The following NUP153 variants were observed in gnomAD, a reference collection of about 807,000 sequenced individuals.
NUP153 encodes the protein nucleoporin 153, also known as nuclear pore complex protein Nup153.
In NUP153, 27 loss-of-function variants were observed where a neutral mutation model predicts 134.6. The observed-to-expected ratio is 0.20, with a 90% confidence interval of 0.15 to 0.28. NUP153 has a LOEUF of 0.28. NUP153 is among the 10% of genes least tolerant of loss of function. The pLI is 1.00. For missense variants in NUP153, 1,821 were observed against 1,731.3 expected (o/e 1.05, Z -0.92); for synonymous variants, 640 against 623.5 (o/e 1.03, Z -0.40).
At chr6:17,694,611 C>T (rs12333111) in intron 1 of NUP153, among the ~76,000 whole-genome samples, 6,128 of 151,926 alleles carry the variant, frequency 0.04, 187 homozygotes, top group African/African-American at 0.088. Context: ...GAGCCAAGAT[C>T]GCGCCATTGC....
At chr6:17,652,782 G>A (rs1042246691) in intron 11 of NUP153, among the ~76,000 whole-genome samples, 1 of 152,196 alleles carries the variant, frequency 6.6e-6, no homozygotes, top group Admixed American at 6.5e-5. Flanking sequence ...CCAGCACTCT[G>A]GGAGGCCAAG....
chr6:17,641,643 G>A (rs1765846553), intron 14 of NUP153, among the ~76,000 whole-genome samples: 1 of 152,142 alleles, frequency 6.6e-6, no homozygotes, highest in Non-Finnish European at 1.5e-5. Flanking sequence ...CACGAGGTCA[G>A]GAGATCGAGA....
At position 17,688,501 on chromosome 6, in the gene NUP153, G is replaced by A. The variant is rs543593216; in HGVS notation, c.229C>T (p.Arg77Cys). The change falls in exon 2 of 22, where the codon CGC becomes TGC. Residue 77 changes from arginine to cysteine, a missense_variant. Coordinates refer to ENST00000262077, the MANE Select transcript of NUP153 (RefSeq NM_005124.4). ...SCSTDTSEVP[R>C]WPENKEDHLV... ...TGGTCCTCTTTATTTTCTGGCCAGC[G>A]TGGAACCTCGCTTGTGTCTGTTGAA... The A allele has an allele frequency of 1.4e-5, 22 of 1,614,058 alleles. No homozygotes were observed. The highest frequency in any genetic ancestry group is 2.2e-5 in the East Asian group (1 of 44,868).
intron 21 of NUP153, 58 bp downstream of exon 21, chr6:17,616,469 A>G: frequency 1.4e-6 from 2 of 1,439,248 alleles, no homozygotes; most frequent in East Asian, 2.3e-5. Flanking sequence ...AACAAAACAT[A>G]TACATGCACA....
chr6:17,663,688 C>G (rs1179450954), intron 9 of NUP153, among the ~76,000 whole-genome samples: 1 of 152,104 alleles, frequency 6.6e-6, no homozygotes, highest in Admixed American at 6.5e-5. Flanking sequence ...AATCACTGTA[C>G]TAATCTTTCT....
intron 2 of NUP153, among the ~76,000 whole-genome samples, chr6:17,686,907 C>T (rs189492598): frequency 0.032 from 1,697 of 52,978 alleles, 51 homozygotes; most frequent in African/African-American, 0.1. Flanking sequence ...GGGAGGGGGG[C>T]GGGGAGTGGG....
intron 10 of NUP153, 73 bp downstream of exon 10, chr6:17,661,945 G>A (rs1767212051): frequency 1.6e-6 from 2 of 1,286,446 alleles, no homozygotes; most frequent in African/African-American, 1.5e-5. Context: ...TCTTCAAAAA[G>A]GTACATGTAA....
chr6:17,687,732 C>CATGTAGTGAAAGAAAAAATGT (rs1424544705), intron 2 of NUP153, among the ~76,000 whole-genome samples: 1 of 152,052 alleles, frequency 6.6e-6, no homozygotes, highest in Non-Finnish European at 1.5e-5. Context: ...TATTTCAAAA[C>CATGTAGTGAAAGAAAAAATGT]ATGTAGTGAA....
Position 17,688,514 on chromosome 6 carries a change from T to C in NUP153, c.216A>G (p.Thr72=), listed in dbSNP as rs760620516. ...TTTCTGGCCAGCGTGGAACCTCGCT[T>C]GTGTCTGTTGAACAGCTGCATACAT... ...NEDVCSCSTD[T]SEVPRWPENK... The change falls in exon 2 of 22, where the codon ACA becomes ACG. Residue 72 remains threonine (T), a synonymous_variant. Coordinates refer to ENST00000262077, the MANE Select transcript of NUP153 (RefSeq NM_005124.4). 6.2e-7 allele frequency: 1 copy of C among 1,614,066 alleles called. No homozygotes were observed. The highest frequency in any genetic ancestry group is 8.5e-7 in the Non-Finnish European group (1 of 1,179,912).
Position 17,616,546 on chromosome 6 carries a change from G to C in NUP153, c.4324C>G (p.Pro1442Ala), listed in dbSNP as rs757863134. ...GSGGFPFNQS[P>A]AAFTVGSNGK... ...TCTTACCCCACTGTAAATGCTGCTG[G>C]AGACTGGTTAAATGGAAAGCCCCCC... Residue 1442 changes from proline to alanine, a missense_variant, in exon 21 of 22, where the codon CCA (proline) becomes GCA (alanine). Coordinates refer to ENST00000262077, the MANE Select transcript of NUP153 (RefSeq NM_005124.4). 4.3e-6 allele frequency: 7 copies of C among 1,613,278 alleles called. No homozygotes were observed. The South Asian group carries it at 4.4e-5, about 10-fold the overall frequency.
intron 5 of NUP153, among the ~76,000 whole-genome samples, chr6:17,673,754 C>G (rs1018158154): frequency 6.6e-6 from 1 of 152,172 alleles, no homozygotes; most frequent in East Asian, 1.9e-4. Flanking sequence ...TATTACCAGT[C>G]AGAATGAAAC....
At position 17,665,405 on chromosome 6, in the gene NUP153, C is replaced by A. The variant is rs747046170; in HGVS notation, c.1069-20G>T. On this transcript the variant is annotated intron_variant, in intron 8 of 21. Coordinates refer to ENST00000262077, the MANE Select transcript of NUP153 (RefSeq NM_005124.4). ...ATCCACCTTACAGGTAAAGAGAAAT[C>A]AAAAACATTTATTTTCATATAAATC... 7.9e-5 allele frequency: 124 copies of A among 1,578,998 alleles called. No homozygotes were observed. Among genetic ancestry groups the A allele is most frequent in the Middle Eastern group, 5.1e-4 (3 of 5,920 alleles).
Position 17,618,777 on chromosome 6 carries a change from A to G in NUP153, c.4175-2082T>C, listed in dbSNP as rs188405383. On this transcript the variant is annotated intron_variant, in intron 20 of 21. Transcript: ENST00000262077. ...GAGATGGGGTTTCACCGTGTTAGCC[A>G]GGATGGTCTCGATATCCTGACCTCG... 3.4e-4 allele frequency among the ~76,000 whole-genome samples: 52 copies of G among 152,270 alleles called. No individual in the cohort carries two copies. The East Asian group carries it at 7.7e-3, about 23-fold the overall frequency.
At chr6:17,698,662 C>G (rs1038119501) in intron 1 of NUP153, among the ~76,000 whole-genome samples, 1 of 149,756 alleles carries the variant, frequency 6.7e-6, no homozygotes, top group Admixed American at 6.7e-5. Context: ...GGCGTGAACC[C>G]GGGAGGCAGA....
Position 17,675,527 on chromosome 6 carries a change from T to C in NUP153, c.578A>G (p.Asp193Gly), listed in dbSNP as rs369895960. 11 of 1,613,888 alleles carry C rather than the reference T, an allele frequency of 6.8e-6. No homozygotes were observed. The highest frequency in any genetic ancestry group is 9.3e-6 in the Non-Finnish European group (11 of 1,179,800). ...CTACCACATGTCAAGAATACCTTTA[T>C]CAGAAGCTCTTGAAGAAAAACCACT... ...TTSGFSSRAS[D>G]KDITVSKNTS... Residue 193 changes from aspartate (D) to glycine (G), a missense_variant, in exon 3 of 22, where the codon GAT (aspartate) becomes GGT (glycine). Physicochemically the swap from Asp to Gly is moderately conservative, Grantham distance 94. Coordinates refer to ENST00000262077, the MANE Select transcript of NUP153 (RefSeq NM_005124.4). The surrounding 1 kb of genome is among the most constrained non-coding windows in gnomAD (Gnocchi z 4.4).
At chr6:17,649,373 G>A in intron 11 of NUP153, 73 bp from the exon 12 acceptor site, 1 of 1,409,402 alleles carries the variant, frequency 7.1e-7, no homozygotes, top group African/African-American at 1.4e-5. Context: ...TTTTCAGCAT[G>A]AAAGTATACA....
At chr6:17,631,737 C>A (rs1765265174) in intron 17 of NUP153, among the ~76,000 whole-genome samples, 1 of 151,946 alleles carries the variant, frequency 6.6e-6, no homozygotes, top group East Asian at 1.9e-4. Flanking sequence ...GAGGCCGAGG[C>A]GGGTGGATCA....
At chr6:17,631,419 G>A (rs571372155) in intron 17 of NUP153, among the ~76,000 whole-genome samples, 1 of 152,162 alleles carries the variant, frequency 6.6e-6, no homozygotes. Context: ...TATGTTGCCT[G>A]GCAGTGAAGT....
Position 17,639,938 on chromosome 6 carries a change from C to A in NUP153, c.1846+1G>T. Reference sequence around the variant, plus strand: ...AAAGGCTTATCTTTTAATTATCTTACCAGGGCTTTTCAGAATATCTAGAAC... The same window carrying A: ...AAAGGCTTATCTTTTAATTATCTTAACAGGGCTTTTCAGAATATCTAGAAC... On this transcript the variant is annotated splice_donor_variant, in intron 15 of 21. Coordinates refer to ENST00000262077, the MANE Select transcript of NUP153 (RefSeq NM_005124.4). LOFTEE classifies it high-confidence loss of function. The A allele has an allele frequency of 6.2e-7, 1 of 1,600,676 alleles. No homozygotes were observed.
Sources: gnomAD v4.1 joint callset for allele counts (sites outside exome capture counted in the v4.1 genomes callset) on GRCh38, gnomAD v4.1.1 for gene constraint, Gnocchi (gnomAD v3.1) non-coding constraint, MANE v1.5 for transcripts, NCBI Gene and HGNC (gene_info 2026-07-23, HGNC 2026-07-21) for gene names.